IFI16: variants seen among roughly 807,000 people sequenced by gnomAD.
IFI16 encodes the protein interferon gamma inducible protein 16.
IFI16 carries 49 observed loss-of-function variants against 68.4 expected under a neutral mutation model. The ratio of observed to expected loss-of-function variants is 0.72; its 90% CI spans 0.57 to 0.91. The LOEUF is 0.91. IFI16 is among the 40% of genes least tolerant of loss of function. The pLI, the probability that IFI16 is intolerant of heterozygous loss-of-function variation, is 0.00. For missense variants in IFI16, 878 were observed against 942.9 expected, an observed-to-expected ratio of 0.93 and a Z score of 0.90; for synonymous variants, 307 against 315.0, an observed-to-expected ratio of 0.97 and a Z score of 0.27.
intron 7 of IFI16, among the ~76,000 whole-genome samples, chr1:159,044,377 T>C (rs530253037): frequency 6.6e-6 from 1 of 152,300 alleles, no homozygotes; most frequent in South Asian, 2.1e-4. Context: ...TTAAACAATT[T>C]TGAAAATACA....
Position 159,045,356 on chromosome 1 carries a change from A to AGG in IFI16, c.1391_1392dup (p.Ser465GlyfsTer9), listed in dbSNP as rs1654911259. On this transcript the variant is annotated frameshift_variant, in exon 8 of 12. Transcript: ENST00000295809. LOFTEE classifies it high-confidence loss of function. ...TCATGAGGATGCAGATACTGAAGGA[A>AGG]GGGAGTCATTTTCCAGGACCGTTCA... The AGG allele has an allele frequency of 7.7e-6, 12 of 1,552,574 alleles. No individual in the cohort carries two copies. The highest frequency in any genetic ancestry group is 1.1e-5 in the Non-Finnish European group (12 of 1,128,868).
chr1:159,047,708 T>C (rs1655080924), intron 8 of IFI16, among the ~76,000 whole-genome samples: 1 of 148,588 alleles, frequency 6.7e-6, no homozygotes, highest in African/African-American at 2.5e-5. Context: ...AATCAGTCTG[T>C]GATTCGCAAC....
chr1:159,000,589 G>T (rs1571812392), intron 1 of IFI16, among the ~76,000 whole-genome samples: 1 of 152,128 alleles, frequency 6.6e-6, no homozygotes, highest in Non-Finnish European at 1.5e-5. Context: ...TTAAAACAGA[G>T]TTATTCAGGC....
intron 7 of IFI16, among the ~76,000 whole-genome samples, chr1:159,042,989 C>A (rs1004661632): frequency 4.6e-5 from 7 of 152,172 alleles, no homozygotes; most frequent in African/African-American, 1.7e-4. Flanking sequence ...TTATTATTCT[C>A]CAATATCATT....
chr1:159,044,582 T>C (rs1654866780), intron 7 of IFI16, among the ~76,000 whole-genome samples: 1 of 152,132 alleles, frequency 6.6e-6, no homozygotes, highest in Non-Finnish European at 1.5e-5. Flanking sequence ...ATTGGCCAAA[T>C]AGGATGAATA....
At chr1:159,012,157 A>G (rs74122207) in intron 1 of IFI16, among the ~76,000 whole-genome samples, 13 of 152,284 alleles carry the variant, frequency 8.5e-5, no homozygotes, top group African/African-American at 2.9e-4. Context: ...TTCTTGTGGT[A>G]TGAGTCTTTG....
chr1:159,019,938 C>G (rs958420109), intron 5 of IFI16, among the ~76,000 whole-genome samples: 1 of 152,156 alleles, frequency 6.6e-6, no homozygotes, highest in Non-Finnish European at 1.5e-5. Flanking sequence ...CAGAAGCTTG[C>G]TTTTTCTTAC....
intron 10 of IFI16, 109 bp downstream of exon 10, chr1:159,052,207 C>A: frequency 1.3e-6 from 1 of 756,804 alleles, no homozygotes; most frequent in Non-Finnish European, 2.1e-6. Flanking sequence ...AAAATCAACC[C>A]CTTCACCCTT....
At chr1:159,004,401 T>G (rs955678021), upstream of IFI16, among the ~76,000 whole-genome samples, 2 of 152,040 alleles carry the variant, frequency 1.3e-5, no homozygotes, top group African/African-American at 4.8e-5. Context: ...GTTAGTAATT[T>G]GGGGTAAGAA....
At chr1:159,054,567 TCTC>T (rs1450717293) in intron 11 of IFI16, among the ~76,000 whole-genome samples, 1 of 152,218 alleles carries the variant, frequency 6.6e-6, no homozygotes, top group Non-Finnish European at 1.5e-5. Flanking sequence ...TTCCCTGACA[TCTC>T]CTGCTCTTTC....
chr1:159,044,033 C>T lies in IFI16; in HGVS notation c.1330-1264C>T, dbSNP rs1329501708. 5.9e-5 allele frequency among the ~76,000 whole-genome samples: 9 copies of T among 152,234 alleles called. No homozygotes were observed. The East Asian group carries it at 1.7e-3, about 29-fold the overall frequency. ...ATATCTGTTCACCGGAGCAGACATG[C>T]AAACCCCTAATAGATCGTGGAAAAA... On this transcript the variant is annotated intron_variant, in intron 7 of 11. Coordinates refer to ENST00000295809, the MANE Select transcript of IFI16 (RefSeq NM_001376587.1).
At chr1:159,044,665 T>A (rs1182176334) in intron 7 of IFI16, among the ~76,000 whole-genome samples, 1 of 152,174 alleles carries the variant, frequency 6.6e-6, no homozygotes, top group Non-Finnish European at 1.5e-5. Context: ...CCAATTTTAC[T>A]TGAAAAATGT....
At chr1:159,004,955 T>A (rs1043953176), upstream of IFI16, among the ~76,000 whole-genome samples, 1 of 152,150 alleles carries the variant, frequency 6.6e-6, no homozygotes, top group Admixed American at 6.5e-5. Context: ...GTAGAAACTA[T>A]CAATGTTTTT....
At chr1:159,022,109 G>A (rs1653369170) in intron 6 of IFI16, among the ~76,000 whole-genome samples, 1 of 151,760 alleles carries the variant, frequency 6.6e-6, no homozygotes, top group Non-Finnish European at 1.5e-5. Context: ...GACTACAGGC[G>A]CCCGCCACCG....
At chr1:159,006,524 G>C (rs1015838954), upstream of IFI16, among the ~76,000 whole-genome samples, 1 of 152,100 alleles carries the variant, frequency 6.6e-6, no homozygotes, top group Admixed American at 6.5e-5. Context: ...CTTTTGAAAC[G>C]CTGAGGATCT....
At chr1:159,007,497 A>T (rs1300723622), upstream of IFI16, among the ~76,000 whole-genome samples, 1 of 152,210 alleles carries the variant, frequency 6.6e-6, no homozygotes, top group East Asian at 1.9e-4. Flanking sequence ...TCTGGTTTGA[A>T]TTTGGCTCCA....
chr1:159,017,557 A>G (rs2101819731), intron 4 of IFI16, among the ~76,000 whole-genome samples: 1 of 152,042 alleles, frequency 6.6e-6, no homozygotes, highest in East Asian at 1.9e-4. Context: ...AGCTGGTAAG[A>G]GAAATAGTAT....
In IFI16 at chr1:159,018,498, CA is replaced by C; in HGVS notation, c.821del (p.Asn274MetfsTer29). Reference protein sequence around the residue: ...YLEYDSLLEVNEESTVSEAGP... With the variant: ...YLEYDSLLEVXEESTVSEAGP... ...TGGAATATGATAGTCTCCTAGAGGT[CA>C]ATGAAGAATCTACTGTATCTGAAGC... On this transcript the variant is annotated frameshift_variant, in exon 5 of 12. Coordinates refer to ENST00000295809, the MANE Select transcript of IFI16 (RefSeq NM_001376587.1). LOFTEE classifies it high-confidence loss of function. The C allele has an allele frequency of 6.2e-7, 1 of 1,613,904 alleles. No homozygotes were observed. The highest frequency in any genetic ancestry group is 8.5e-7 in the Non-Finnish European group (1 of 1,179,840).
At chr1:159,028,835 C>T (rs892263820) in intron 6 of IFI16, among the ~76,000 whole-genome samples, 2 of 109,800 alleles carry the variant, frequency 1.8e-5, no homozygotes, top group African/African-American at 1.0e-4. Context: ...TTTTTCTACC[C>T]CTTTACCTTA....
Sources: gnomAD v4.1 joint callset for allele counts (sites outside exome capture counted in the v4.1 genomes callset) on GRCh38, gnomAD v4.1.1 for gene constraint, MANE v1.5 for transcripts, NCBI Gene and HGNC (gene_info 2026-07-23, HGNC 2026-07-21) for gene names.